Variants in LPAR1 observed in about 807,000 individuals in gnomAD.
LPAR1 encodes lysophosphatidic acid receptor 1, also known as LPA receptor 1.
In LPAR1, 5 loss-of-function variants were observed where a neutral mutation model predicts 23.8. That is an observed-to-expected ratio of 0.21 (90% CI 0.11 to 0.44). The LOEUF is 0.44. Ranked by LOEUF, LPAR1 falls within the 20% of genes least tolerant of loss-of-function variation. The probability of loss-of-function intolerance (pLI) is 0.99; values close to 1 mark genes in which losing one functional copy is unlikely to be tolerated. For missense variants in LPAR1, 311 were observed against 482.8 expected, an observed-to-expected ratio of 0.64 and a Z score of 3.33; for synonymous variants, 160 against 164.7, an observed-to-expected ratio of 0.97 and a Z score of 0.22.
chr9:110,999,577 C>A, intron 2 of LPAR1: 1 of 369,412 alleles, frequency 2.7e-6, no homozygotes, highest in African/African-American at 2.1e-5. Context: ...GATCTGAAGG[C>A]TGGAAGTCGA....
rs116858514 is a variant in LPAR1, at chr9:110,926,604, A to G, written c.793+14817T>C. On this transcript the variant is annotated intron_variant, in intron 5 of 5. Coordinates refer to ENST00000683809, the MANE Select transcript of LPAR1 (RefSeq NM_001351411.2). ...AAAACTAATTAGTGTGGATGTTTCA[A>G]ATATTTTGAGAGGAAAGTCTATTTA... 5.9e-3 allele frequency among the ~76,000 whole-genome samples: 904 copies of G among 152,296 alleles called. 5 individuals carry two copies. The highest frequency in any genetic ancestry group is 0.017 in the Middle Eastern group (5 of 294).
intron 4 of LPAR1, among the ~76,000 whole-genome samples, chr9:110,964,799 T>G (rs1318166304): frequency 6.8e-6 from 1 of 148,040 alleles, no homozygotes; most frequent in Non-Finnish European, 1.5e-5. Flanking sequence ...TACCTATTGG[T>G]AAGGATGTCC....
chr9:110,987,077 G>T (rs999612339), intron 2 of LPAR1, among the ~76,000 whole-genome samples: 3 of 152,014 alleles, frequency 2.0e-5, no homozygotes, highest in African/African-American at 7.2e-5. Context: ...ATCCTAAAAA[G>T]TGTGCTGAAT....
At chr9:111,022,666 T>C (rs573783185) in intron 2 of LPAR1, among the ~76,000 whole-genome samples, 1 of 152,300 alleles carries the variant, frequency 6.6e-6, no homozygotes, top group South Asian at 2.1e-4. Context: ...AATTATATTA[T>C]ATAAAAGTAT....
intron 4 of LPAR1, among the ~76,000 whole-genome samples, chr9:110,952,906 GCCC>G (rs2095615530): frequency 1.3e-5 from 2 of 152,120 alleles, no homozygotes; most frequent in Admixed American, 1.3e-4. Context: ...GGATCACCCT[GCCC>G]CAACCACCAC....
chr9:110,926,094 G>A (rs1194879079), intron 5 of LPAR1, among the ~76,000 whole-genome samples: 1 of 152,094 alleles, frequency 6.6e-6, no homozygotes, highest in East Asian at 1.9e-4. Flanking sequence ...CTAATTTTTT[G>A]TATTTTTAGT....
At chr9:110,889,306 C>T (rs925706054) in intron 5 of LPAR1, among the ~76,000 whole-genome samples, 3 of 151,834 alleles carry the variant, frequency 2.0e-5, no homozygotes, top group African/African-American at 4.8e-5. Flanking sequence ...TGCAGTGAGC[C>T]GAGATTGTAC....
chr9:110,964,809 C>CA (rs1272276022), intron 4 of LPAR1, among the ~76,000 whole-genome samples: 91 of 140,608 alleles, frequency 6.5e-4, no homozygotes, highest in East Asian at 2.1e-4. Context: ...TAAGGATGTC[C>CA]AAAAAAAAGT....
At chr9:110,920,148 T>C (rs539727801) in intron 5 of LPAR1, among the ~76,000 whole-genome samples, 29 of 152,298 alleles carry the variant, frequency 1.9e-4, no homozygotes, top group African/African-American at 6.0e-4. Flanking sequence ...TATACCCTGA[T>C]TATGTATTTC....
At chr9:110,998,966 A>G (rs2097076413) in intron 2 of LPAR1, among the ~76,000 whole-genome samples, 1 of 152,234 alleles carries the variant, frequency 6.6e-6, no homozygotes, top group Non-Finnish European at 1.5e-5. Context: ...CTGTCAAAAG[A>G]TAACTCCTAT....
At chr9:110,995,907 T>A (rs2096991230) in intron 2 of LPAR1, among the ~76,000 whole-genome samples, 1 of 152,174 alleles carries the variant, frequency 6.6e-6, no homozygotes, top group South Asian at 2.1e-4. Flanking sequence ...CGGACACTTT[T>A]AAAAATAATG....
chr9:111,038,603 C>A (rs1290139620), upstream of LPAR1: 1 of 455,390 alleles, frequency 2.2e-6, no homozygotes, highest in Admixed American at 2.4e-5. The surrounding 1 kb of genome is among the most constrained non-coding windows in gnomAD (Gnocchi z 4.4). Flanking sequence ...GTCAGCAACA[C>A]CCGAACCCCC....
chr9:110,896,213 G>A (rs776447171), intron 5 of LPAR1, among the ~76,000 whole-genome samples: 21 of 152,116 alleles, frequency 1.4e-4, no homozygotes, highest in African/African-American at 2.4e-4. Flanking sequence ...ACTATGCTGC[G>A]TACTTTCTAG....
At chr9:110,935,854 C>A (rs1328007469) in intron 5 of LPAR1, among the ~76,000 whole-genome samples, 3 of 152,216 alleles carry the variant, frequency 2.0e-5, no homozygotes, top group Non-Finnish European at 2.9e-5. Context: ...TCTCCCAACT[C>A]CCACAGACAG....
intron 5 of LPAR1, among the ~76,000 whole-genome samples, chr9:110,893,394 G>T (rs1052650198): frequency 6.6e-6 from 1 of 152,212 alleles, no homozygotes; most frequent in Admixed American, 6.5e-5. Flanking sequence ...CCATTAAGCA[G>T]ATTGGCACTG....
intron 5 of LPAR1, among the ~76,000 whole-genome samples, chr9:110,877,404 A>G (rs1309556324): frequency 6.6e-6 from 1 of 152,212 alleles, no homozygotes; most frequent in Non-Finnish European, 1.5e-5. Context: ...AAATATTTCA[A>G]ATATCAGGAG....
rs888083789 is a variant in LPAR1, at chr9:110,891,310, T to C, written c.794-15588A>G. Among the ~76,000 whole-genome samples, 5 of 152,210 alleles carry C rather than the reference T, an allele frequency of 3.3e-5. No individual in the cohort carries two copies. In the East Asian group the frequency reaches 9.6e-4, roughly 29 times the overall value. ...TATGTTATTCTTCAATAAAGAACAT[T>C]ACATAACTTTTAAGAAAAAATACCT... On this transcript the variant is annotated intron_variant, in intron 5 of 5. Coordinates refer to ENST00000683809, the MANE Select transcript of LPAR1 (RefSeq NM_001351411.2).
At chr9:111,032,072 A>G (rs1456664738) in intron 2 of LPAR1, among the ~76,000 whole-genome samples, 4 of 152,232 alleles carry the variant, frequency 2.6e-5, no homozygotes, top group Admixed American at 6.5e-5. Flanking sequence ...GGGTGGGTAC[A>G]AATGCCTACT....
At chr9:110,908,134 A>G (rs1055571679) in intron 5 of LPAR1, among the ~76,000 whole-genome samples, 4 of 151,786 alleles carry the variant, frequency 2.6e-5, no homozygotes, top group Non-Finnish European at 5.9e-5. Flanking sequence ...TTTTTCCCTT[A>G]TGCATATTTT....
Sources: gnomAD v4.1 joint callset for allele counts (sites outside exome capture counted in the v4.1 genomes callset) on GRCh38, gnomAD v4.1.1 for gene constraint, Gnocchi (gnomAD v3.1) non-coding constraint, MANE v1.5 for transcripts, NCBI Gene and HGNC (gene_info 2026-07-23, HGNC 2026-07-21) for gene names.